HYDIN: variants seen among roughly 807,000 people sequenced by gnomAD.
The protein encoded by HYDIN is HYDIN axonemal central pair apparatus protein.
In HYDIN, 132 loss-of-function variants were observed where a neutral mutation model predicts 403.9. That is an observed-to-expected ratio of 0.33 (90% CI 0.28 to 0.38). HYDIN has a LOEUF of 0.38. Among genes scored for constraint, HYDIN ranks in the 10% least tolerant of loss-of-function variants. The pLI, the probability that HYDIN is intolerant of heterozygous loss-of-function variation, is 1.00. For missense variants in HYDIN, 2,827 were observed against 5,009.5 expected (o/e 0.56, Z 13.15); for synonymous variants, 1,202 against 1,891.7 (o/e 0.64, Z 9.46).
intron 58 of HYDIN, among the ~76,000 whole-genome samples, chr16:70,885,367 AC>A (rs200540379): frequency 0.022 from 3,108 of 142,414 alleles, 258 homozygotes; most frequent in Admixed American, 0.17. Flanking sequence ...CAGAATACCT[AC>A]TATGTGCTAG....
chr16:70,845,693 C>T (rs1173026178), intron 75 of HYDIN, among the ~76,000 whole-genome samples: 2 of 136,818 alleles, frequency 1.5e-5, no homozygotes, highest in African/African-American at 6.7e-5. Flanking sequence ...GGTTGGTAAA[C>T]TATTGTTTAT....
chr16:71,188,606 A>G (rs2144673485), intron 1 of HYDIN, among the ~76,000 whole-genome samples: 1 of 152,330 alleles, frequency 6.6e-6, no homozygotes, highest in East Asian at 1.9e-4. Flanking sequence ...AAATAGCACA[A>G]AAACCATCCA....
At chr16:71,069,614 T>C in intron 13 of HYDIN, 112 bp from the exon 14 acceptor site, 2 of 647,738 alleles carry the variant, frequency 3.1e-6, no homozygotes, top group Non-Finnish European at 5.3e-6. Flanking sequence ...GTGCTATTCA[T>C]TACTACTTAA....
At chr16:71,107,972 A>G (rs1311651439) in intron 10 of HYDIN, among the ~76,000 whole-genome samples, 1 of 152,190 alleles carries the variant, frequency 6.6e-6, no homozygotes, top group Non-Finnish European at 1.5e-5. Context: ...ATACACTACA[A>G]AATACTACGC....
chr16:70,880,824 A>C (rs2040751038), intron 60 of HYDIN, among the ~76,000 whole-genome samples: 1 of 152,128 alleles, frequency 6.6e-6, no homozygotes, highest in Non-Finnish European at 1.5e-5. Context: ...AACTGAGGGC[A>C]CTCAGGTTTC....
At position 70,992,157 on chromosome 16, in the gene HYDIN, G is replaced by A. The variant is rs768076796; in HGVS notation, c.3698C>T (p.Ser1233Phe). 1 of 1,611,670 alleles carries A rather than the reference G, an allele frequency of 6.2e-7. No individual in the cohort carries two copies. Among genetic ancestry groups the A allele is most frequent in the Admixed American group, 1.7e-5 (1 of 59,610 alleles). Residue 1233 changes from serine (S) to phenylalanine (F), a missense_variant, in exon 24 of 86, where the codon TCC (serine) becomes TTC (phenylalanine). Transcript: ENST00000393567. ...GGCAGCCTCTGAGGTTGCTGGGATGGACTCCATCTGGGACACTGGGGCACT... is the reference window on the plus strand; with the variant it reads ...GGCAGCCTCTGAGGTTGCTGGGATGAACTCCATCTGGGACACTGGGGCACT... ...PYSAPVSQME[S>F]IPATSEAASP... is the part of the protein sequence containing the mutation.
intron 41 of HYDIN, among the ~76,000 whole-genome samples, chr16:70,947,933 C>A (rs2077929661): frequency 6.7e-6 from 1 of 149,476 alleles, no homozygotes; most frequent in Non-Finnish European, 1.5e-5. Context: ...CAATGACTTT[C>A]TTCACAGAAT....
At position 71,188,128 on chromosome 16, in the gene HYDIN, T is replaced by C. The variant is rs2087244087; in HGVS notation, c.-23-1210A>G. ...CTTTTCCCTATTCTCAAGTTATTTATTTTTTTTAAATACTTCTTCCCAAGA... is the reference window on the plus strand; with the variant it reads ...CTTTTCCCTATTCTCAAGTTATTTACTTTTTTTAAATACTTCTTCCCAAGA... On this transcript the variant is annotated intron_variant, in intron 1 of 85. Transcript: ENST00000393567. 2.0e-5 allele frequency among the ~76,000 whole-genome samples: 3 copies of C among 152,028 alleles called. No homozygotes were observed. The South Asian group carries it at 6.2e-4, about 32-fold the overall frequency.
chr16:71,165,301 G>A (rs1426512978), intron 5 of HYDIN, among the ~76,000 whole-genome samples: 1 of 151,628 alleles, frequency 6.6e-6, no homozygotes, highest in Non-Finnish European at 1.5e-5. Context: ...TGCACATGAT[G>A]TTCTCTCCTT....
At chr16:70,896,260 G>A (rs1477315110) in intron 53 of HYDIN, among the ~76,000 whole-genome samples, 180 bp from the exon 54 acceptor site, 1 of 151,804 alleles carries the variant, frequency 6.6e-6, no homozygotes, top group African/African-American at 2.4e-5. Flanking sequence ...TCTGGGGAAT[G>A]CTGGTACAAA....
At position 71,169,059 on chromosome 16, in the gene HYDIN, T is replaced by C. The variant is rs559319871; in HGVS notation, c.517-6329A>G. ...TGTGGAAGAGCTACCTGAACCCCCA[T>C]GTTCACTGCAGCATTATTCACGATA... On this transcript the variant is annotated intron_variant, in intron 5 of 85. Coordinates refer to ENST00000393567, the MANE Select transcript of HYDIN (RefSeq NM_001270974.2). Among the ~76,000 whole-genome samples the C allele has an allele frequency of 9.3e-4, 141 of 152,280 alleles. 3 individuals are homozygous for C. Among genetic ancestry groups the C allele is most frequent in the Admixed American group, 2.6e-4 (4 of 15,296 alleles).
chr16:70,830,420 C>T (rs783896), intron 80 of HYDIN, among the ~76,000 whole-genome samples: 116 of 138,078 alleles, frequency 8.4e-4, no homozygotes, highest in Middle Eastern at 3.7e-3. Flanking sequence ...GGGGACAGCA[C>T]GCAGGGTCTT....
At position 71,148,678 on chromosome 16, in the gene HYDIN, T is replaced by A. The variant is rs532596531; in HGVS notation, c.841+3981A>T. ...AATTGTTCTGCTAATAAAAAGACATTAAGAAAATTAATTTCTCACTGTGAG... is the reference window on the plus strand; with the variant it reads ...AATTGTTCTGCTAATAAAAAGACATAAAGAAAATTAATTTCTCACTGTGAG... On this transcript the variant is annotated intron_variant, in intron 7 of 85. Coordinates refer to ENST00000393567, the MANE Select transcript of HYDIN (RefSeq NM_001270974.2). Among the ~76,000 whole-genome samples, 453 of 150,800 alleles carry A rather than the reference T, an allele frequency of 3.0e-3. 4 individuals carry two copies. Among genetic ancestry groups the A allele is most frequent in the African/African-American group, 0.011 (427 of 40,356 alleles).
Position 70,970,693 on chromosome 16 carries a change from G to A in HYDIN, c.5446C>T (p.Arg1816Cys), listed in dbSNP as rs372141489. The A allele has an allele frequency of 2.3e-4, 353 of 1,530,676 alleles. No individual in the cohort carries two copies. The highest frequency in any genetic ancestry group is 2.1e-4 in the Non-Finnish European group (234 of 1,110,736). The allele number at this position is 1,530,676 out of a possible 1,614,324, so 94.8% of individuals were successfully genotyped here. ...QSAQKLTLLARGQGLEPRLEF... is the reference protein window; with the variant it reads ...QSAQKLTLLACGQGLEPRLEF... ...AGGCGTGGCTCTAGACCTTGCCCAC[G>A]TGCCAGGAGGGTAAGCTTTTGAGCA... The change falls in exon 36 of 86, where the codon CGT becomes TGT. Residue 1816 changes from arginine to cysteine, a missense_variant. Coordinates refer to ENST00000393567, the MANE Select transcript of HYDIN (RefSeq NM_001270974.2).
rs1187487643 is a variant in HYDIN at position 71,184,870 on chromosome 16, G to C, written c.256C>G (p.Gln86Glu). The C allele has an allele frequency of 6.2e-7, 1 of 1,603,592 alleles. No individual in the cohort carries two copies. Among genetic ancestry groups the C allele is most frequent in the Non-Finnish European group, 8.5e-7 (1 of 1,173,222 alleles). ...GTACGACAGAGAGCAGCTACCTTCT[G>C]ATGTGTTGTTTCCCCCATATCTAAG... ...ELLDMGETTH[Q>E]KFSGIDLDQA... Residue 86 changes from glutamine (Q) to glutamate (E), a missense_variant, in exon 3 of 86, where the codon CAG (glutamine) becomes GAG (glutamate). Physicochemically the swap from Gln to Glu is conservative, Grantham distance 29 (BLOSUM62 2). Coordinates refer to ENST00000393567, the MANE Select transcript of HYDIN (RefSeq NM_001270974.2).
At chr16:71,004,183 G>A (rs553496509) in intron 23 of HYDIN, among the ~76,000 whole-genome samples, 23 of 151,558 alleles carry the variant, frequency 1.5e-4, no homozygotes, top group African/African-American at 4.4e-4. Context: ...GTACGGTGGC[G>A]CATGCCTGTA....
chr16:71,175,515 C>G, intron 5 of HYDIN, 92 bp downstream of exon 5: 1 of 1,326,450 alleles, frequency 7.5e-7, no homozygotes. Context: ...ACCACCACCA[C>G]CACCACCAGC....
intron 77 of HYDIN, among the ~76,000 whole-genome samples, chr16:70,836,974 G>A (rs1386498028): frequency 1.3e-5 from 2 of 152,240 alleles, no homozygotes; most frequent in Non-Finnish European, 1.5e-5. Flanking sequence ...TTGATGGGAA[G>A]GCTGCCAGGA....
chr16:71,130,010 C>T (rs567450548), intron 8 of HYDIN, among the ~76,000 whole-genome samples, 187 bp from the exon 9 acceptor site: 110 of 152,166 alleles, frequency 7.2e-4, no homozygotes, highest in Non-Finnish European at 1.2e-3. Context: ...CCTCTGTTTG[C>T]TCATCTTCAA....
Sources: allele counts gnomAD v4.1 joint callset (sites outside exome capture counted in the v4.1 genomes callset), GRCh38; gene constraint gnomAD v4.1.1; transcripts MANE v1.5; gene names NCBI Gene and HGNC (gene_info 2026-07-23, HGNC 2026-07-21).